SEC22C: variants seen among roughly 807,000 people sequenced by gnomAD.
The protein encoded by SEC22C is SEC22 homolog C, vesicle trafficking protein.
SEC22C carries 29 observed loss-of-function variants against 34.7 expected under a neutral mutation model. That is an observed-to-expected ratio of 0.84 (90% CI 0.62 to 1.14). SEC22C has a LOEUF of 1.14. SEC22C is among the 50% of genes most tolerant of loss of function. The pLI is 0.00. For synonymous variants in SEC22C, 117 were observed against 132.8 expected, an observed-to-expected ratio of 0.88 and a Z score of 0.82; for missense variants, 337 against 369.0, an observed-to-expected ratio of 0.91 and a Z score of 0.71.
chr3:42,576,038 T>A (rs1577345421), intron 1 of SEC22C, among the ~76,000 whole-genome samples: 1 of 152,162 alleles, frequency 6.6e-6, no homozygotes, highest in African/African-American at 2.4e-5. Context: ...GTAATCAAAT[T>A]ATAAATTAAT....
chr3:42,556,242 G>A lies in SEC22C; in HGVS notation c.646-247C>T, dbSNP rs372275771. ...CTAAGTCTGCAACCTGGAATGGGCC[G>A]CCAATCCCTCCACCTCTCAGAAACC... is the stretch of plus-strand genomic sequence containing the variant. On this transcript the variant is annotated intron_variant, in intron 5 of 6. Transcript: ENST00000264454. 3.2e-4 allele frequency among the ~76,000 whole-genome samples: 49 copies of A among 152,242 alleles called. 1 individual carries two copies. Among genetic ancestry groups the A allele is most frequent in the African/African-American group, 7.9e-4 (33 of 41,542 alleles).
At position 42,569,170 on chromosome 3, in the gene SEC22C, A is replaced by G. The variant is rs10461011; in HGVS notation, c.-27-97T>C. On this transcript the variant is annotated intron_variant, in intron 1 of 6. Transcript: ENST00000264454. Reference sequence around the variant, plus strand: ...GCCCACTCTAGGGTTTTTCACCCTCATTCTTACTATAATTGCAAATGTTGC... The same window carrying G: ...GCCCACTCTAGGGTTTTTCACCCTCGTTCTTACTATAATTGCAAATGTTGC... 3,018 of 724,952 alleles carry G rather than the reference A, an allele frequency of 4.2e-3. 127 individuals carry two copies. The East Asian group carries it at 0.076, about 18-fold the overall frequency. 44.9% of individuals were successfully genotyped at this position (724,952 alleles called of 1,614,324 possible).
Position 42,552,397 on chromosome 3 carries a change from CT to C in SEC22C, c.*850del, listed in dbSNP as rs1250319944. 2.4e-5 allele frequency: 24 copies of C among 985,444 alleles called. No individual in the cohort carries two copies. The South Asian group carries it at 4.7e-4, about 19-fold the overall frequency. The allele number at this position is 985,444 out of a possible 1,614,324, so 61.0% of individuals were successfully genotyped here. A position where few individuals can be genotyped will look rare whatever the true frequency, so the allele number is the denominator to read the frequency against. On this transcript the variant is annotated 3_prime_UTR_variant, in exon 7 of 7. Transcript: ENST00000264454. Reference sequence around the variant, plus strand: ...TCCCAAGCGGATCTGTAAAGTGCCACTGAATCCATGTTCATTCACCTACTCC... The same window carrying C: ...TCCCAAGCGGATCTGTAAAGTGCCACGAATCCATGTTCATTCACCTACTCC...
intron 1 of SEC22C, among the ~76,000 whole-genome samples, chr3:42,576,633 A>C (rs368908003): frequency 2.0e-5 from 3 of 152,148 alleles, no homozygotes; most frequent in African/African-American, 7.2e-5. Context: ...CAAAGTGCTA[A>C]ATAAATGGGG....
chr3:42,592,644 T>G (rs1472073571), intron 1 of SEC22C, among the ~76,000 whole-genome samples: 1 of 152,280 alleles, frequency 6.6e-6, no homozygotes, highest in African/African-American at 2.4e-5. Flanking sequence ...TGGGTAAATC[T>G]TTACATCTGA....
At chr3:42,572,677 G>A (rs1703720292) in intron 1 of SEC22C, among the ~76,000 whole-genome samples, 1 of 152,090 alleles carries the variant, frequency 6.6e-6, no homozygotes, top group East Asian at 1.9e-4. Flanking sequence ...TGTTCAGAAG[G>A]GCCAGCTAAA....
chr3:42,562,201 C>A (rs973613846), intron 3 of SEC22C, among the ~76,000 whole-genome samples: 1 of 152,178 alleles, frequency 6.6e-6, no homozygotes, highest in Admixed American at 6.5e-5. Flanking sequence ...TCATTCTACT[C>A]CCACTCAACA....
At chr3:42,563,768 A>C (rs1300358642) in intron 2 of SEC22C, 82 bp from the exon 3 acceptor site, 1 of 1,594,468 alleles carries the variant, frequency 6.3e-7, no homozygotes, top group Non-Finnish European at 8.5e-7. Context: ...ACCTTACCTG[A>C]ATTCTGCACT....
intron 1 of SEC22C, among the ~76,000 whole-genome samples, chr3:42,591,791 A>G (rs1311542594): frequency 6.6e-6 from 1 of 152,188 alleles, no homozygotes; most frequent in African/African-American, 2.4e-5. Flanking sequence ...CGGAGCCTGG[A>G]GTCAGACGTG....
intron 1 of SEC22C, among the ~76,000 whole-genome samples, chr3:42,597,338 A>AAGGTCAGGAGACC (rs1302739622): frequency 6.6e-6 from 1 of 152,204 alleles, no homozygotes; most frequent in East Asian, 1.9e-4. Context: ...GGCAGATCAC[A>AAGGTCAGGAGACC]AGGTCAGGAG....
upstream of SEC22C, among the ~76,000 whole-genome samples, chr3:42,584,287 C>T (rs945658007): frequency 1.6e-4 from 25 of 152,312 alleles, no homozygotes; most frequent in African/African-American, 5.8e-4. Flanking sequence ...CTGAGTCTCA[C>T]TCTGTGGCCT....
At chr3:42,568,517 G>A (rs1219759422) in intron 2 of SEC22C, among the ~76,000 whole-genome samples, 2 of 152,036 alleles carry the variant, frequency 1.3e-5, no homozygotes, top group Non-Finnish European at 2.9e-5. Context: ...ATCGTGGCAT[G>A]TGCCTATGAT....
intron 1 of SEC22C, among the ~76,000 whole-genome samples, chr3:42,577,220 C>A (rs1471709599): frequency 1.3e-5 from 2 of 152,048 alleles, no homozygotes; most frequent in Non-Finnish European, 2.9e-5. Context: ...AGATATGACA[C>A]CAAAAGCATA....
At position 42,594,795 on chromosome 3, in the gene SEC22C, T is replaced by A. The variant is rs574606229; in HGVS notation, c.-28+6165A>T. The A allele has an allele frequency of 1.6e-5, 4 of 242,910 alleles. No individual in the cohort carries two copies. The Admixed American group carries it at 2.1e-4, about 13-fold the overall frequency. The allele number at this position is 242,910 out of a possible 1,614,324, so 15.0% of individuals were successfully genotyped here. ...CATGTTTGGATAACAAAGACATCAC[T>A]GGGATGTTCAAGTCTACTTTTTAGT... On this transcript the variant is annotated intron_variant, in intron 1 of 6. Coordinates refer to the SEC22C transcript ENST00000417572.
At chr3:42,599,609 G>A (rs1187415071) in intron 1 of SEC22C, among the ~76,000 whole-genome samples, 1 of 150,614 alleles carries the variant, frequency 6.6e-6, no homozygotes, top group African/African-American at 2.4e-5. Flanking sequence ...GGAGAATGGC[G>A]TGAACCCGGG....
intron 1 of SEC22C, 47 bp from the exon 2 acceptor site, chr3:42,569,120 C>T (rs1421790943): frequency 3.2e-6 from 4 of 1,231,854 alleles, no homozygotes; most frequent in Non-Finnish European, 4.6e-6. Context: ...AATGACAGTG[C>T]CAGAAATACC....
chr3:42,589,928 A>C (rs587712), intron 1 of SEC22C, among the ~76,000 whole-genome samples: 69,217 of 152,026 alleles, frequency 0.46, 18,492 homozygotes, highest in African/African-American at 0.74. Flanking sequence ...TTGCGGCACA[A>C]CACCTTTGCG....
intron 6 of SEC22C, among the ~76,000 whole-genome samples, chr3:42,555,262 G>A (rs1358436437): frequency 1.3e-5 from 2 of 151,976 alleles, no homozygotes; most frequent in Non-Finnish European, 2.9e-5. Flanking sequence ...CAGGAGAATG[G>A]CGTGAACCCG....
At chr3:42,601,042 C>T (rs1295006811) in exon 1 of SEC22C, 2 of 1,583,250 alleles carry the variant, frequency 1.3e-6, no homozygotes, top group Admixed American at 1.8e-5. Flanking sequence ...GCCACTTCGA[C>T]ATCGAGATCA....
Sources: allele counts gnomAD v4.1 joint callset (sites outside exome capture counted in the v4.1 genomes callset), GRCh38; gene constraint gnomAD v4.1.1; transcripts MANE v1.5; gene names NCBI Gene and HGNC (gene_info 2026-07-23, HGNC 2026-07-21).